SGCD: variants seen among roughly 807,000 people sequenced by gnomAD.
SGCD encodes delta-sarcoglycan.
SGCD carries 18 observed loss-of-function variants against 36.6 expected under a neutral mutation model. That is an observed-to-expected ratio of 0.49 (90% CI 0.34 to 0.73). SGCD has a LOEUF of 0.73. Among genes scored for constraint, SGCD ranks in the 30% least tolerant of loss-of-function variants. SGCD has a pLI of 0.01. For missense variants in SGCD, 387 were observed against 346.7 expected, an observed-to-expected ratio of 1.12 and a Z score of -0.92; for synonymous variants, 133 against 130.6, an observed-to-expected ratio of 1.02 and a Z score of -0.12.
chr5:156,389,763 A>AGAACAAAGAGTCTGAATCCAGATTTCATG, intron 3 of SGCD, among the ~76,000 whole-genome samples: 1 of 152,352 alleles, frequency 6.6e-6, no homozygotes, highest in African/African-American at 2.4e-5. Context: ...GTAACGATTA[A>AGAACAAAGAGTCTGAATCCAGATTTCATG]GAACAAAGAG....
chr5:156,130,083 T>C (rs1463406722), intron 3 of SGCD, among the ~76,000 whole-genome samples: 2 of 152,230 alleles, frequency 1.3e-5, no homozygotes, highest in Non-Finnish European at 2.9e-5. Context: ...TTCACAGTGG[T>C]TGAACTAATT....
At chr5:156,141,612 A>G (rs1381232729) in intron 3 of SGCD, among the ~76,000 whole-genome samples, 1 of 152,210 alleles carries the variant, frequency 6.6e-6, no homozygotes, top group Non-Finnish European at 1.5e-5. Flanking sequence ...CTCTTATTAT[A>G]AAGACCCTCA....
At chr5:155,804,505 C>T in the SGCD span, among the ~76,000 whole-genome samples, 1 of 152,140 alleles carries the variant, frequency 6.6e-6, no homozygotes, top group African/African-American at 2.4e-5. Context: ...TGATTGTATC[C>T]ACTGTGTGCC....
chr5:156,633,732 G>C (rs1045145673), intron 6 of SGCD, among the ~76,000 whole-genome samples: 16 of 152,150 alleles, frequency 1.1e-4, no homozygotes, highest in Non-Finnish European at 2.2e-4. Flanking sequence ...TAATCTGCTA[G>C]GAAATTCCAT....
intron 3 of SGCD, among the ~76,000 whole-genome samples, chr5:156,471,437 A>G (rs1024753814): frequency 1.3e-5 from 2 of 152,166 alleles, no homozygotes; most frequent in Non-Finnish European, 2.9e-5. Flanking sequence ...TTGGCAAAAG[A>G]ACTAATAAAT....
intron 3 of SGCD, among the ~76,000 whole-genome samples, chr5:156,506,443 C>G (rs1270445191): frequency 6.6e-6 from 1 of 152,082 alleles, no homozygotes; most frequent in African/African-American, 2.4e-5. Context: ...AATCAGTATT[C>G]AAAGCTCCCA....
chr5:156,734,587 AT>A (rs1308960910), intron 7 of SGCD, among the ~76,000 whole-genome samples: 2 of 151,664 alleles, frequency 1.3e-5, no homozygotes, highest in African/African-American at 2.4e-5. Flanking sequence ...CCATTTCATT[AT>A]TTTTTCTCTA....
chr5:156,370,682 G>A (rs537333271), intron 3 of SGCD, among the ~76,000 whole-genome samples: 93 of 152,282 alleles, frequency 6.1e-4, no homozygotes, highest in African/African-American at 1.9e-3. Context: ...AAATTTACAA[G>A]ACTGAAACAT....
At chr5:156,654,169 AC>A (rs1353895023) in intron 7 of SGCD, among the ~76,000 whole-genome samples, 2 of 152,130 alleles carry the variant, frequency 1.3e-5, no homozygotes, top group African/African-American at 2.4e-5. Context: ...TTACCCAATA[AC>A]CCAATGAGGT....
rs578067019 is a variant in SGCD, at chr5:155,993,555, G to C, written c.-282+123131G>C. Among the ~76,000 whole-genome samples the C allele has an allele frequency of 7.9e-5, 12 of 152,172 alleles. No homozygotes were observed. The South Asian group carries it at 1.5e-3, about 18-fold the overall frequency. On this transcript the variant is annotated intron_variant, in intron 1 of 9. Coordinates refer to the SGCD transcript ENST00000517913. ...AGATGGAGTTTCGCTACATTGGCCA[G>C]ACTGGTCTCGAACTCCTGGCCTCAA...
At chr5:155,754,211 T>C in the SGCD span, among the ~76,000 whole-genome samples, 1 of 152,226 alleles carries the variant, frequency 6.6e-6, no homozygotes, top group African/African-American at 2.4e-5. Flanking sequence ...TTGCCTGATA[T>C]ATCTGTTAGG....
At chr5:155,728,777 C>G in the SGCD span, among the ~76,000 whole-genome samples, 1 of 152,198 alleles carries the variant, frequency 6.6e-6, no homozygotes, top group Non-Finnish European at 1.5e-5. Flanking sequence ...CCCGCCGCAG[C>G]CTGCGCCAGA....
In SGCD at chr5:156,589,398, A is replaced by G. The variant is rs1308855746; in HGVS notation, c.382+80A>G. 4 of 750,328 alleles carry G rather than the reference A, an allele frequency of 5.3e-6. No homozygotes were observed. In the East Asian group the frequency reaches 1.1e-4, roughly 20 times the overall value. The allele number at this position is 750,328 out of a possible 1,614,324, so 46.5% of individuals were successfully genotyped here. A position where few individuals can be genotyped will look rare whatever the true frequency, so the allele number is the denominator to read the frequency against. ...AGAATTAATGGTCAAAGGAAACACC[A>G]TATGAACCTGAAAATAAAGTGTGCT... On this transcript the variant is annotated intron_variant, in intron 5 of 8. Coordinates refer to ENST00000337851, the MANE Select transcript of SGCD (RefSeq NM_000337.6).
In SGCD at chr5:156,239,436, T is replaced by A. The variant is rs981895755; in HGVS notation, c.-43-90098T>A. On this transcript the variant is annotated intron_variant, in intron 3 of 9. Coordinates refer to the SGCD transcript ENST00000517913. ...AAAAAAAAAAATTAGATTTGGTCAG[T>A]GCAAGGGGGAATAGTATAGTGCAAA... Among the ~76,000 whole-genome samples, 12 of 148,390 alleles carry A rather than the reference T, an allele frequency of 8.1e-5. No homozygotes were observed. In the East Asian group the frequency reaches 2.4e-3, roughly 29 times the overall value.
At chr5:155,859,515 TTCCCTTTGG>T in the SGCD span, among the ~76,000 whole-genome samples, 1 of 152,200 alleles carries the variant, frequency 6.6e-6, no homozygotes, top group Non-Finnish European at 1.5e-5. Flanking sequence ...CTTCAAAATA[TTCCCTTTGG>T]CCCCTTTGCA....
intron 4 of SGCD, among the ~76,000 whole-genome samples, chr5:156,550,195 G>A (rs143061084): frequency 1.4e-4 from 21 of 152,292 alleles, no homozygotes; most frequent in Admixed American, 6.5e-4. Flanking sequence ...CAAGTGACAC[G>A]GAGGTTACAG....
chr5:156,257,509 A>G (rs1765745455), intron 3 of SGCD, among the ~76,000 whole-genome samples: 1 of 152,060 alleles, frequency 6.6e-6, no homozygotes, highest in Non-Finnish European at 1.5e-5. Flanking sequence ...GACTTTACCA[A>G]TAGTGATGGT....
intron 1 of SGCD, among the ~76,000 whole-genome samples, chr5:155,877,317 T>C (rs1271123192): frequency 6.6e-6 from 1 of 152,170 alleles, no homozygotes; most frequent in Non-Finnish European, 1.5e-5. Context: ...GCCAAGTTAC[T>C]CATGGCCAAC....
chr5:156,076,820 C>T (rs917408441), intron 1 of SGCD, among the ~76,000 whole-genome samples: 1 of 152,126 alleles, frequency 6.6e-6, no homozygotes, highest in African/African-American at 2.4e-5. Context: ...CCCAAATGAA[C>T]ATTTGCTAGA....
Sources: gnomAD v4.1 joint callset for allele counts (sites outside exome capture counted in the v4.1 genomes callset) on GRCh38, gnomAD v4.1.1 for gene constraint, MANE v1.5 for transcripts, NCBI Gene and HGNC (gene_info 2026-07-23, HGNC 2026-07-21) for gene names.